The following DNAH11 variants were observed in gnomAD, a reference collection of about 807,000 sequenced individuals.
DNAH11 encodes dynein axonemal heavy chain 11.
In DNAH11, 442 loss-of-function variants were observed where a neutral mutation model predicts 526.0. That is an observed-to-expected ratio of 0.84 (90% CI 0.78 to 0.91). The LOEUF (loss-of-function observed/expected upper bound fraction) is 0.91. Among genes scored for constraint, DNAH11 ranks in the 40% least tolerant of loss-of-function variants. The pLI is 0.00. For synonymous variants in DNAH11, 2,461 were observed against 1,935.9 expected, an observed-to-expected ratio of 1.27 and a Z score of -7.12; for missense variants, 6,989 against 5,448.7, an observed-to-expected ratio of 1.28 and a Z score of -8.90.
intron 50 of DNAH11, 132 bp downstream of exon 50, chr7:21,744,731 C>T: frequency 1.4e-6 from 2 of 1,428,494 alleles, no homozygotes; most frequent in Non-Finnish European, 1.9e-6. Flanking sequence ...CCAGAATACA[C>T]TTGGTCTATG....
At chr7:21,899,307 A>G in intron 79 of DNAH11, 29 bp from the exon 80 acceptor site, 1 of 1,583,882 alleles carries the variant, frequency 6.3e-7, no homozygotes, top group Non-Finnish European at 8.7e-7. Context: ...CTGAACAGCA[A>G]GTTTTTCTTC....
chr7:21,789,102 A>C lies in DNAH11; in HGVS notation c.9925-139A>C, dbSNP rs1188986119. 3 of 641,260 alleles carry C rather than the reference A, an allele frequency of 4.7e-6. No individual in the cohort carries two copies. In the African/African-American group the frequency reaches 5.5e-5, roughly 12 times the overall value. The allele number at this position is 641,260 out of a possible 1,614,324, so 39.7% of individuals were successfully genotyped here. ...CCCAGAGTTTAAGACCAGTTTGAGC[A>C]ACATGAGAAGACCCCATCTCAATAA... On this transcript the variant is annotated intron_variant, in intron 60 of 81. Coordinates refer to ENST00000409508, the MANE Select transcript of DNAH11 (RefSeq NM_001277115.2).
intron 81 of DNAH11, chr7:21,900,800 C>G (rs145374977): frequency 1.6e-6 from 1 of 625,946 alleles, no homozygotes; most frequent in African/African-American, 1.9e-5. Context: ...TTAACCACTA[C>G]GCATGGAAGC....
intron 81 of DNAH11, 139 bp from the exon 82 acceptor site, chr7:21,900,868 G>A: frequency 2.9e-6 from 4 of 1,391,714 alleles, no homozygotes; most frequent in Non-Finnish European, 3.8e-6. Context: ...AGTCCGGCCA[G>A]CTCAGTAAAA....
At position 21,594,098 on chromosome 7, in the gene DNAH11, A is replaced by ACACACACACACACT. The variant is rs534629301; in HGVS notation, c.2667+2522_2667+2523insACACACACACACTC. ...CACACACACACACACACACACACAC[A>ACACACACACACACT]CTCTGAAGCCATCATGAAGTAGCAC... is the stretch of plus-strand genomic sequence containing the variant. On this transcript the variant is annotated intron_variant, in intron 14 of 81. Transcript: ENST00000409508. 3.4e-3 allele frequency among the ~76,000 whole-genome samples: 500 copies of ACACACACACACACT among 148,030 alleles called. 4 individuals are homozygous for ACACACACACACACT. In the East Asian group the frequency reaches 0.057, roughly 17 times the overall value.
rs779912790 is a variant in DNAH11 at position 21,705,538 on chromosome 7, G to A, written c.6546+1G>A. On this transcript the variant is annotated splice_donor_variant, in intron 39 of 81. Transcript: ENST00000409508. LOFTEE classifies it high-confidence loss of function. ...AAATGCAGGCACAGGAAAGAGTAAGGTATAGTAAATTGCCTAATAGCTTAC... is the reference window on the plus strand; with the variant it reads ...AAATGCAGGCACAGGAAAGAGTAAGATATAGTAAATTGCCTAATAGCTTAC... 6.2e-7 allele frequency: 1 copy of A among 1,613,234 alleles called. No individual in the cohort carries two copies. Among genetic ancestry groups the A allele is most frequent in the Non-Finnish European group, 8.5e-7 (1 of 1,179,388 alleles).
intron 62 of DNAH11, among the ~76,000 whole-genome samples, chr7:21,805,404 A>G (rs1035850547): frequency 2.6e-5 from 4 of 152,094 alleles, no homozygotes; most frequent in Non-Finnish European, 5.9e-5. Context: ...TGTCATAGGC[A>G]TCACTAGATA....
intron 61 of DNAH11, among the ~76,000 whole-genome samples, chr7:21,793,829 T>C (rs2893049): frequency 0.61 from 92,777 of 152,006 alleles, 30,626 homozygotes; most frequent in East Asian, 0.95. Flanking sequence ...TTCATGTTTA[T>C]TATATATACT....
intron 42 of DNAH11, among the ~76,000 whole-genome samples, chr7:21,715,861 CT>C (rs10714624): frequency 0.38 from 55,359 of 145,952 alleles, 10,946 homozygotes; most frequent in South Asian, 0.51. Flanking sequence ...TGATTTCCCC[CT>C]CCCACCCCCA....
At chr7:21,640,257 G>A (rs909293151) in intron 28 of DNAH11, among the ~76,000 whole-genome samples, 1 of 152,090 alleles carries the variant, frequency 6.6e-6, no homozygotes, top group East Asian at 1.9e-4. Flanking sequence ...ACAATTGGAT[G>A]CCTTTAAAAA....
chr7:21,752,151 A>T (rs1024761494), intron 54 of DNAH11, among the ~76,000 whole-genome samples: 2 of 152,260 alleles, frequency 1.3e-5, no homozygotes, highest in African/African-American at 4.8e-5. Context: ...AGCCATTGTT[A>T]TAAATAGTGC....
At chr7:21,618,440 A>G (rs1195812508) in intron 23 of DNAH11, 1 of 152,522 alleles carries the variant, frequency 6.6e-6, no homozygotes, top group East Asian at 1.9e-4. Context: ...GGCTGGCTCA[A>G]CTCTTCACTT....
intron 57 of DNAH11, among the ~76,000 whole-genome samples, chr7:21,783,810 C>T (rs1317365254): frequency 2.5e-4 from 38 of 152,172 alleles, no homozygotes; most frequent in Admixed American, 2.4e-3. Context: ...TGTTCCAATA[C>T]CGAAGGCAGA....
intron 45 of DNAH11, among the ~76,000 whole-genome samples, chr7:21,728,702 C>G (rs1266023771): frequency 6.6e-6 from 1 of 152,212 alleles, no homozygotes; most frequent in African/African-American, 2.4e-5. Context: ...AAATTCCTCT[C>G]TAGCTGTGAA....
rs1265850847 is a variant in DNAH11 at position 21,681,607 on chromosome 7, A to G, written c.5390A>G (p.Gln1797Arg). Residue 1797 changes from glutamine to arginine, a missense_variant, in exon 31 of 82, where the codon CAG becomes CGG. Gln to Arg is a conservative substitution (Grantham distance 43, BLOSUM62 1). Coordinates refer to ENST00000409508, the MANE Select transcript of DNAH11 (RefSeq NM_001277115.2). ...GGAGAACTTCCACCTGGAGACAGAC[A>G]GAAGATCATGACAATTTGTACCATA... ...LLGELPPGDR[Q>R]KIMTICTIDV... 6.2e-7 allele frequency: 1 copy of G among 1,613,880 alleles called. No individual in the cohort carries two copies. Among genetic ancestry groups the G allele is most frequent in the South Asian group, 1.1e-5 (1 of 91,086 alleles).
chr7:21,577,645 C>T (rs1414146139), intron 8 of DNAH11, among the ~76,000 whole-genome samples: 1 of 152,170 alleles, frequency 6.6e-6, no homozygotes, highest in African/African-American at 2.4e-5. Flanking sequence ...CCCGCCCACC[C>T]TTGGTGGATG....
intron 25 of DNAH11, among the ~76,000 whole-genome samples, chr7:21,630,850 A>G (rs1458343091): frequency 6.6e-6 from 1 of 151,984 alleles, no homozygotes; most frequent in Non-Finnish European, 1.5e-5. Flanking sequence ...TTGTACCTGG[A>G]TATTTATATC....
At position 21,729,069 on chromosome 7, in the gene DNAH11, C is replaced by A. The variant is rs556104539; in HGVS notation, c.7440+3085C>A. Reference sequence around the variant, plus strand: ...GAAAGTGAGGGGGAAATAGCCTCATCTCCCTGATCTGTACCTTTCGGGCCG... The same window carrying A: ...GAAAGTGAGGGGGAAATAGCCTCATATCCCTGATCTGTACCTTTCGGGCCG... On this transcript the variant is annotated intron_variant, in intron 45 of 81. Transcript: ENST00000409508. Among the ~76,000 whole-genome samples the A allele has an allele frequency of 3.3e-5, 5 of 152,368 alleles. No homozygotes were observed. The East Asian group carries it at 9.6e-4, about 29-fold the overall frequency.
rs765127113 is a variant in DNAH11 at position 21,619,240 on chromosome 7, G to C, written c.4377+18G>C. 2 of 1,603,310 alleles carry C rather than the reference G, an allele frequency of 1.2e-6. No individual in the cohort carries two copies. Among genetic ancestry groups the C allele is most frequent in the East Asian group, 2.2e-5 (1 of 44,694 alleles). On this transcript the variant is annotated intron_variant, in intron 24 of 81. Transcript: ENST00000409508. ...CTGAGAAGGTAGTGTCCTCGGGACTGGGTCATTTCTACTTGGCTAATTTTG... is the reference window on the plus strand; with the variant it reads ...CTGAGAAGGTAGTGTCCTCGGGACTCGGTCATTTCTACTTGGCTAATTTTG...
Sources: allele counts gnomAD v4.1 joint callset (sites outside exome capture counted in the v4.1 genomes callset), GRCh38; gene constraint gnomAD v4.1.1; transcripts MANE v1.5; gene names NCBI Gene and HGNC (gene_info 2026-07-23, HGNC 2026-07-21).